The following MYO1D variants were observed in gnomAD, a reference collection of about 807,000 sequenced individuals.
MYO1D encodes the protein myosin ID.
MYO1D carries 83 observed loss-of-function variants against 122.0 expected under a neutral mutation model. The observed-to-expected ratio is 0.68, with a 90% CI of 0.57 to 0.82. The LOEUF is 0.82. MYO1D is among the 40% of genes least tolerant of loss of function. MYO1D has a pLI of 0.00. For synonymous variants in MYO1D, 464 were observed against 446.9 expected (o/e 1.04, Z -0.48); for missense variants, 1,157 against 1,269.5 (o/e 0.91, Z 1.35).
chr17:32,627,551 A>G (rs1456126535), intron 20 of MYO1D, among the ~76,000 whole-genome samples: 3 of 152,086 alleles, frequency 2.0e-5, no homozygotes, highest in East Asian at 1.9e-4. Context: ...ATTACAGTCC[A>G]TTTACCTTTA....
At chr17:32,736,298 G>A (rs1226959826) in intron 14 of MYO1D, among the ~76,000 whole-genome samples, 1 of 152,116 alleles carries the variant, frequency 6.6e-6, no homozygotes, top group African/African-American at 2.4e-5. Flanking sequence ...CTAGCTGAGT[G>A]CACTGCTGAC....
chr17:32,603,141 G>T (rs1195511080), intron 21 of MYO1D, among the ~76,000 whole-genome samples: 3 of 150,966 alleles, frequency 2.0e-5, no homozygotes, highest in Non-Finnish European at 4.4e-5. Context: ...AAATTTTAAA[G>T]AAATTAAAAA....
chr17:32,795,320 A>C (rs1168702555), intron 1 of MYO1D, among the ~76,000 whole-genome samples: 2 of 152,208 alleles, frequency 1.3e-5, no homozygotes, highest in African/African-American at 2.4e-5. Context: ...CATCACGGCC[A>C]GCAAACACGG....
chr17:32,755,232 C>T (rs1315446724), intron 11 of MYO1D, among the ~76,000 whole-genome samples: 2 of 152,198 alleles, frequency 1.3e-5, no homozygotes, highest in Admixed American at 6.5e-5. Context: ...AAGAATCATG[C>T]TCATTTTTCC....
chr17:32,573,930 C>T (rs1238075997), intron 21 of MYO1D, among the ~76,000 whole-genome samples: 3 of 152,208 alleles, frequency 2.0e-5, no homozygotes, highest in Non-Finnish European at 4.4e-5. Flanking sequence ...CGACTCACTG[C>T]AGGCTCCGCC....
chr17:32,697,756 A>G (rs1185362285), intron 16 of MYO1D, among the ~76,000 whole-genome samples: 1 of 152,208 alleles, frequency 6.6e-6, no homozygotes, highest in Non-Finnish European at 1.5e-5. Context: ...CTTAGTCCAC[A>G]TACTTGACAG....
At chr17:32,739,484 G>C (rs1172288564) in intron 13 of MYO1D, among the ~76,000 whole-genome samples, 1 of 137,396 alleles carries the variant, frequency 7.3e-6, no homozygotes, top group Non-Finnish European at 1.5e-5. Context: ...CACACACCAA[G>C]GCCTGTCATG....
chr17:32,730,077 TTA>T (rs1300899030), intron 14 of MYO1D, among the ~76,000 whole-genome samples: 3 of 151,856 alleles, frequency 2.0e-5, no homozygotes, highest in East Asian at 3.8e-4. Flanking sequence ...TTCTTCTTTT[TTA>T]TGTTTTTGTT....
At chr17:32,624,894 G>A (rs1476709808) in intron 20 of MYO1D, among the ~76,000 whole-genome samples, 4 of 151,624 alleles carry the variant, frequency 2.6e-5, no homozygotes, top group Admixed American at 6.6e-5. Flanking sequence ...GGGTTCAAGC[G>A]ATTCTCTTGC....
At chr17:32,610,371 C>T (rs1394965898) in intron 20 of MYO1D, among the ~76,000 whole-genome samples, 2 of 152,168 alleles carry the variant, frequency 1.3e-5, no homozygotes, top group Non-Finnish European at 2.9e-5. Context: ...TGAGGGAAAA[C>T]AGTACTTAAG....
intron 21 of MYO1D, among the ~76,000 whole-genome samples, chr17:32,534,640 T>A: frequency 6.6e-6 from 1 of 152,194 alleles, no homozygotes; most frequent in East Asian, 1.9e-4. Flanking sequence ...TAATAATCTG[T>A]TGCAAAGGGC....
At chr17:32,726,871 T>C (rs1262546797) in intron 14 of MYO1D, among the ~76,000 whole-genome samples, 4 of 152,066 alleles carry the variant, frequency 2.6e-5, no homozygotes, top group Non-Finnish European at 5.9e-5. Context: ...TTAAAATACA[T>C]GACCAAAATA....
chr17:32,839,116 C>G (rs2090853896), intron 1 of MYO1D, among the ~76,000 whole-genome samples: 1 of 152,104 alleles, frequency 6.6e-6, no homozygotes, highest in African/African-American at 2.4e-5. Flanking sequence ...AGAGTAGGAA[C>G]ACCTTAATAG....
chr17:32,636,536 G>T (rs1394556937), intron 20 of MYO1D, among the ~76,000 whole-genome samples: 1 of 152,172 alleles, frequency 6.6e-6, no homozygotes, highest in Non-Finnish European at 1.5e-5. Flanking sequence ...CCTCTGAAAA[G>T]GTGGCTGCCC....
chr17:32,558,009 G>A (rs1188528312), intron 21 of MYO1D, among the ~76,000 whole-genome samples: 2 of 152,026 alleles, frequency 1.3e-5, no homozygotes, highest in East Asian at 3.9e-4. Flanking sequence ...TAATTTTCAG[G>A]TGTTACAAAA....
At chr17:32,722,471 C>T (rs2089523686) in intron 14 of MYO1D, among the ~76,000 whole-genome samples, 1 of 152,158 alleles carries the variant, frequency 6.6e-6, no homozygotes, top group African/African-American at 2.4e-5. Flanking sequence ...GGCTGGTGGC[C>T]CCCTTCCATC....
intron 21 of MYO1D, among the ~76,000 whole-genome samples, chr17:32,598,632 C>T (rs1333819928): frequency 2.0e-5 from 3 of 152,146 alleles, no homozygotes; most frequent in East Asian, 1.9e-4. Flanking sequence ...CAGACCACTG[C>T]AATAAAGTGA....
intron 21 of MYO1D, among the ~76,000 whole-genome samples, chr17:32,525,085 T>C (rs929170196): frequency 2.0e-5 from 3 of 152,250 alleles, no homozygotes; most frequent in African/African-American, 7.2e-5. Context: ...TCTGCAAGCA[T>C]TCAGGGGCCA....
chr17:32,802,957 A>C (rs977886941), intron 1 of MYO1D, among the ~76,000 whole-genome samples: 1 of 152,148 alleles, frequency 6.6e-6, no homozygotes, highest in East Asian at 1.9e-4. Context: ...ACTATTACAC[A>C]CTAGTCCAGT....
Sources: allele counts gnomAD v4.1 joint callset (sites outside exome capture counted in the v4.1 genomes callset), GRCh38; gene constraint gnomAD v4.1.1; transcripts MANE v1.5; gene names NCBI Gene and HGNC (gene_info 2026-07-23, HGNC 2026-07-21).